Variants in CSMD1 observed in about 807,000 individuals in gnomAD.
CSMD1 encodes CUB and Sushi multiple domains 1.
A neutral mutation model predicts 417.5 loss-of-function variants in CSMD1; 213 were observed. The observed-to-expected ratio is 0.51, with a 90% CI of 0.46 to 0.57. The LOEUF is 0.57. Ranked by LOEUF, CSMD1 falls within the 20% of genes least tolerant of loss-of-function variation. The pLI is 0.00. For synonymous variants in CSMD1, 2,862 were observed against 1,736.8 expected, an observed-to-expected ratio of 1.65 and a Z score of -16.11; for missense variants, 6,923 against 4,529.7, an observed-to-expected ratio of 1.53 and a Z score of -15.17.
chr8:4,007,918 A>G (rs183058580), intron 4 of CSMD1, among the ~76,000 whole-genome samples: 2 of 152,332 alleles, frequency 1.3e-5, no homozygotes, highest in East Asian at 1.9e-4. Context: ...AAAGTAGTCT[A>G]TAAAAACTGC....
At position 3,720,620 on chromosome 8, in the gene CSMD1, T is replaced by TTCTCAC. The variant is rs72331833; in HGVS notation, c.932-12130_932-12129insGTGAGA. 5.8e-3 allele frequency among the ~76,000 whole-genome samples: 831 copies of TTCTCAC among 143,410 alleles called. 8 individuals carry two copies. Among genetic ancestry groups the TTCTCAC allele is most frequent in the Middle Eastern group, 0.031 (9 of 288 alleles). 94.1% of individuals were successfully genotyped at this position (143,410 alleles called of 152,430 possible). ...CATTGGTGGTCAAAGTCTTTATTCT[T>TTCTCAC]ACACACACACACACACACACACACA... On this transcript the variant is annotated intron_variant, in intron 6 of 69. Coordinates refer to ENST00000635120, the MANE Select transcript of CSMD1 (RefSeq NM_033225.6).
intron 3 of CSMD1, among the ~76,000 whole-genome samples, chr8:4,404,465 A>C (rs908398827): frequency 1.2e-4 from 19 of 152,180 alleles, no homozygotes; most frequent in African/African-American, 4.6e-4. Context: ...TTGCAAAGCC[A>C]AACTATGTTT....
intron 3 of CSMD1, among the ~76,000 whole-genome samples, chr8:4,044,483 G>C (rs1798046616): frequency 6.6e-6 from 1 of 152,146 alleles, no homozygotes. Flanking sequence ...ACATCTCAGG[G>C]GACCAGCGAC....
chr8:4,661,156 C>A (rs867484412), intron 1 of CSMD1, among the ~76,000 whole-genome samples: 5 of 152,114 alleles, frequency 3.3e-5, no homozygotes, highest in African/African-American at 1.2e-4. Context: ...ACACAAAAAC[C>A]TGCACATGAA....
chr8:4,388,843 TA>T (rs1255988560), intron 3 of CSMD1, among the ~76,000 whole-genome samples: 1 of 152,238 alleles, frequency 6.6e-6, no homozygotes, highest in Non-Finnish European at 1.5e-5. Context: ...CCCTTTGATT[TA>T]AAAACCATTT....
At chr8:4,642,529 G>C (rs898883390) in intron 1 of CSMD1, among the ~76,000 whole-genome samples, 1 of 152,190 alleles carries the variant, frequency 6.6e-6, no homozygotes, top group African/African-American at 2.4e-5. Flanking sequence ...AGCATTTGAG[G>C]AGTGAAGGTA....
chr8:4,250,684 G>C (rs1803006654), intron 3 of CSMD1, among the ~76,000 whole-genome samples: 1 of 152,074 alleles, frequency 6.6e-6, no homozygotes, highest in African/African-American at 2.4e-5. Context: ...TTATGTCTCA[G>C]CAAATATTGC....
intron 6 of CSMD1, among the ~76,000 whole-genome samples, chr8:3,713,186 G>C (rs928733253): frequency 1.3e-5 from 2 of 152,050 alleles, no homozygotes; most frequent in Non-Finnish European, 2.9e-5. Flanking sequence ...ATACCTAAGG[G>C]ATACATTAAT....
intron 48 of CSMD1, 84 bp downstream of exon 48, chr8:3,091,431 TA>T: frequency 9.8e-7 from 1 of 1,016,622 alleles, no homozygotes. Context: ...GATTATACTA[TA>T]AATTTCTATT....
intron 3 of CSMD1, among the ~76,000 whole-genome samples, chr8:4,316,983 G>A (rs1010444709): frequency 3.3e-5 from 5 of 151,942 alleles, no homozygotes; most frequent in Admixed American, 3.3e-4. Context: ...AAATACAATC[G>A]ACTCTTATTG....
At chr8:4,732,225 G>A (rs1031235827) in intron 1 of CSMD1, among the ~76,000 whole-genome samples, 3 of 152,144 alleles carry the variant, frequency 2.0e-5, no homozygotes, top group Non-Finnish European at 4.4e-5. Flanking sequence ...CCCATGGGTA[G>A]AACTCTTTCT....
intron 2 of CSMD1, among the ~76,000 whole-genome samples, chr8:4,513,759 T>C (rs568820487): frequency 6.6e-6 from 1 of 152,314 alleles, no homozygotes; most frequent in African/African-American, 2.4e-5. Flanking sequence ...AATACATAAA[T>C]TTCGATGAAA....
intron 12 of CSMD1, among the ~76,000 whole-genome samples, chr8:3,427,196 C>G (rs1438725885): frequency 6.6e-6 from 1 of 152,136 alleles, no homozygotes; most frequent in Non-Finnish European, 1.5e-5. Flanking sequence ...CTCAGCCAAA[C>G]TATATCACTG....
At chr8:4,144,218 C>T (rs1035519221) in intron 3 of CSMD1, among the ~76,000 whole-genome samples, 3 of 151,000 alleles carry the variant, frequency 2.0e-5, no homozygotes, top group Non-Finnish European at 4.4e-5. Flanking sequence ...TGGGCTTCTT[C>T]CTTGATTCAG....
chr8:4,279,313 AAC>A (rs975377454), intron 3 of CSMD1, among the ~76,000 whole-genome samples: 1 of 152,192 alleles, frequency 6.6e-6, no homozygotes, highest in Non-Finnish European at 1.5e-5. Flanking sequence ...GTCATGAAGA[AAC>A]ACACAGTCAC....
chr8:3,085,857 G>A (rs1489778966), intron 49 of CSMD1, among the ~76,000 whole-genome samples: 1 of 152,132 alleles, frequency 6.6e-6, no homozygotes, highest in African/African-American at 2.4e-5. Context: ...AATCCCTTTG[G>A]GACATGAAGG....
intron 7 of CSMD1, among the ~76,000 whole-genome samples, chr8:3,628,580 G>T (rs1796607416): frequency 6.6e-6 from 1 of 152,198 alleles, no homozygotes. Flanking sequence ...GCAGCCACTG[G>T]GCATCATGGC....
At chr8:4,299,101 A>C (rs74905238) in intron 3 of CSMD1, among the ~76,000 whole-genome samples, 4 of 152,152 alleles carry the variant, frequency 2.6e-5, no homozygotes, top group African/African-American at 9.7e-5. Context: ...GGAGGGAAGA[A>C]GGTGATAGAA....
chr8:3,893,362 T>TATATATATATAA (rs1554476819), intron 5 of CSMD1, among the ~76,000 whole-genome samples: 3 of 125,642 alleles, frequency 2.4e-5, no homozygotes, highest in Non-Finnish European at 5.1e-5. Context: ...TATATATATA[T>TATATATATATAA]TATTTTTTTT....
Sources: gnomAD v4.1 joint callset for allele counts (sites outside exome capture counted in the v4.1 genomes callset) on GRCh38, gnomAD v4.1.1 for gene constraint, MANE v1.5 for transcripts, NCBI Gene and HGNC (gene_info 2026-07-23, HGNC 2026-07-21) for gene names.